The following TYW1 variants were observed in gnomAD, a reference collection of about 807,000 sequenced individuals.
TYW1 encodes S-adenosyl-L-methionine-dependent tRNA 4-demethylwyosine synthase TYW1.
TYW1 carries 46 observed loss-of-function variants against 96.2 expected under a neutral mutation model. The ratio of observed to expected loss-of-function variants is 0.48; its 90% confidence interval spans 0.38 to 0.61. The LOEUF (loss-of-function observed/expected upper bound fraction) is 0.61. Among genes scored for constraint, TYW1 ranks in the 20% least tolerant of loss-of-function variants. TYW1 has a pLI of 0.00. For missense variants in TYW1, 684 were observed against 909.6 expected, an observed-to-expected ratio of 0.75 and a Z score of 3.19; for synonymous variants, 274 against 323.0, an observed-to-expected ratio of 0.85 and a Z score of 1.63.
intron 12 of TYW1, among the ~76,000 whole-genome samples, chr7:67,100,446 G>A (rs1384991983): frequency 6.6e-6 from 1 of 151,518 alleles, no homozygotes; most frequent in East Asian, 1.9e-4. Context: ...CGCACTAAAG[G>A]TGCTCAGTAC....
intron 15 of TYW1, among the ~76,000 whole-genome samples, chr7:67,230,505 A>G (rs1381688710): frequency 1.3e-5 from 2 of 151,872 alleles, no homozygotes; most frequent in Non-Finnish European, 2.9e-5. Flanking sequence ...CTCAAACACA[A>G]ACACACCTCC....
chr7:67,084,446 T>G (rs1302633923), intron 11 of TYW1, among the ~76,000 whole-genome samples: 2 of 152,224 alleles, frequency 1.3e-5, no homozygotes, highest in East Asian at 3.8e-4. Flanking sequence ...TCTGGAGAGC[T>G]TGTTAAAACA....
intron 7 of TYW1, among the ~76,000 whole-genome samples, chr7:67,042,020 A>C (rs1373737299): frequency 7.1e-6 from 1 of 140,102 alleles, no homozygotes; most frequent in African/African-American, 2.7e-5. Context: ...TTATATTAGA[A>C]TTATATAATT....
chr7:67,115,240 C>CT (rs61078524), intron 12 of TYW1, among the ~76,000 whole-genome samples: 11,439 of 134,796 alleles, frequency 0.085, 509 homozygotes, highest in Middle Eastern at 0.19. Flanking sequence ...TAAGACAGTC[C>CT]TTTTTTTTTT....
At chr7:67,141,203 A>G (rs937542995) in intron 13 of TYW1, among the ~76,000 whole-genome samples, 1 of 152,198 alleles carries the variant, frequency 6.6e-6, no homozygotes. Context: ...AATTTTTACC[A>G]GATATTAAAT....
chr7:67,172,745 A>G (rs530555512), intron 13 of TYW1, among the ~76,000 whole-genome samples: 1 of 151,820 alleles, frequency 6.6e-6, no homozygotes, highest in South Asian at 2.1e-4. Flanking sequence ...TTCTTGTTTC[A>G]TACATTCAGT....
At chr7:67,148,573 C>A (rs1284599298) in intron 13 of TYW1, among the ~76,000 whole-genome samples, 5 of 151,244 alleles carry the variant, frequency 3.3e-5, no homozygotes, top group Non-Finnish European at 5.9e-5. Flanking sequence ...CTACAGGCGC[C>A]TGCCACCACG....
At chr7:67,203,594 G>A (rs1197429362) in intron 15 of TYW1, among the ~76,000 whole-genome samples, 1 of 152,134 alleles carries the variant, frequency 6.6e-6, no homozygotes, top group Non-Finnish European at 1.5e-5. Flanking sequence ...AATATCTTAG[G>A]TGTTTCCTGC....
At chr7:67,141,012 TAAG>T (rs747603302) in intron 13 of TYW1, among the ~76,000 whole-genome samples, 15 of 152,200 alleles carry the variant, frequency 9.9e-5, no homozygotes, top group Non-Finnish European at 1.8e-4. Context: ...AAGCCACCCC[TAAG>T]AAGATCATTT....
chr7:67,150,793 C>T (rs1349915266), intron 13 of TYW1, among the ~76,000 whole-genome samples: 4 of 149,964 alleles, frequency 2.7e-5, no homozygotes, highest in Admixed American at 2.0e-4. Flanking sequence ...TTTTTTTCCC[C>T]CCTGTCTGAC....
At chr7:67,214,485 T>A (rs1801144248) in intron 15 of TYW1, among the ~76,000 whole-genome samples, 1 of 152,170 alleles carries the variant, frequency 6.6e-6, no homozygotes. Context: ...TCTGTATATC[T>A]TTTATTTCCT....
At chr7:67,184,776 T>C (rs1237177316) in intron 14 of TYW1, among the ~76,000 whole-genome samples, 8 of 151,256 alleles carry the variant, frequency 5.3e-5, no homozygotes, top group Non-Finnish European at 8.8e-5. Context: ...GGCGTGATCT[T>C]GGCTCACTGA....
intron 7 of TYW1, among the ~76,000 whole-genome samples, chr7:67,029,854 C>T (rs1794616632): frequency 6.6e-6 from 1 of 152,126 alleles, no homozygotes; most frequent in South Asian, 2.1e-4. Context: ...ACACGCACCA[C>T]CACGCCAAGG....
chr7:67,037,721 A>G (rs1794885777), intron 7 of TYW1, among the ~76,000 whole-genome samples: 1 of 152,112 alleles, frequency 6.6e-6, no homozygotes, highest in South Asian at 2.1e-4. Flanking sequence ...TAATCCCAGC[A>G]CTTTGGGAGC....
chr7:67,052,452 T>C (rs1795386570), intron 8 of TYW1, among the ~76,000 whole-genome samples: 1 of 152,232 alleles, frequency 6.6e-6, no homozygotes, highest in South Asian at 2.1e-4. Context: ...TCCTATGTAA[T>C]ATGTTTTTCA....
chr7:67,175,934 A>G (rs1799659296), intron 13 of TYW1, among the ~76,000 whole-genome samples: 1 of 152,216 alleles, frequency 6.6e-6, no homozygotes, highest in East Asian at 1.9e-4. Context: ...GACAAGAAAA[A>G]GGGGAAAAAG....
chr7:67,209,098 C>T (rs539749025), intron 15 of TYW1, among the ~76,000 whole-genome samples: 5 of 152,246 alleles, frequency 3.3e-5, no homozygotes, highest in South Asian at 2.1e-4. Context: ...TGGCAAAGAC[C>T]GCAATTACTT....
chr7:67,198,793 A>G (rs1800491951), intron 15 of TYW1, among the ~76,000 whole-genome samples: 1 of 152,282 alleles, frequency 6.6e-6, no homozygotes, highest in East Asian at 1.9e-4. Context: ...TTTTCTTCTT[A>G]AGTCTCTGTA....
At chr7:67,165,720 G>T (rs1187863899) in intron 13 of TYW1, among the ~76,000 whole-genome samples, 1 of 152,102 alleles carries the variant, frequency 6.6e-6, no homozygotes, top group Non-Finnish European at 1.5e-5. Flanking sequence ...TTGAGCTCAG[G>T]TATTTGAGAC....
Sources: gnomAD v4.1 joint callset for allele counts (sites outside exome capture counted in the v4.1 genomes callset) on GRCh38, gnomAD v4.1.1 for gene constraint, MANE v1.5 for transcripts, NCBI Gene and HGNC (gene_info 2026-07-23, HGNC 2026-07-21) for gene names.